Variants in CAMKMT observed in about 807,000 individuals in gnomAD.
CAMKMT encodes calmodulin-lysine N-methyltransferase, also known as CaM KMT.
Under a neutral mutation model 48.0 loss-of-function variants are expected in CAMKMT, and 53 were observed. The ratio of observed to expected loss-of-function variants is 1.10; its 90% CI spans 0.89 to 1.39. The LOEUF is 1.39. CAMKMT is among the 40% of genes most tolerant of loss of function. The pLI is 0.00. For missense variants in CAMKMT, 428 were observed against 402.7 expected (o/e 1.06, Z -0.54); for synonymous variants, 165 against 152.3 (o/e 1.08, Z -0.61).
intron 3 of CAMKMT, among the ~76,000 whole-genome samples, chr2:44,596,175 A>T (rs1032631222): frequency 1.3e-5 from 2 of 152,102 alleles, no homozygotes; most frequent in Admixed American, 1.3e-4. Flanking sequence ...TTGGCTGGAC[A>T]CAGTGGCTCA....
intron 3 of CAMKMT, among the ~76,000 whole-genome samples, chr2:44,520,080 G>A (rs952074169): frequency 5.3e-5 from 8 of 151,100 alleles, no homozygotes; most frequent in Non-Finnish European, 7.4e-5. Context: ...TTAGCCAGGC[G>A]TGGTGGTGGG....
chr2:44,528,385 A>C (rs1486507365), intron 3 of CAMKMT, among the ~76,000 whole-genome samples: 1 of 152,164 alleles, frequency 6.6e-6, no homozygotes, highest in Non-Finnish European at 1.5e-5. Flanking sequence ...TCCATTCCCC[A>C]GTTACCAACA....
At chr2:44,718,507 G>A (rs1019175932) in intron 7 of CAMKMT, among the ~76,000 whole-genome samples, 1 of 152,182 alleles carries the variant, frequency 6.6e-6, no homozygotes, top group African/African-American at 2.4e-5. Flanking sequence ...TTGAACAAAG[G>A]AAACCATGCT....
intron 3 of CAMKMT, among the ~76,000 whole-genome samples, chr2:44,417,454 T>G (rs1683637123): frequency 6.6e-6 from 1 of 152,206 alleles, no homozygotes; most frequent in South Asian, 2.1e-4. Context: ...TGTATTCATC[T>G]ATTGATAGAC....
chr2:44,715,543 C>A (rs1678131597), intron 7 of CAMKMT, among the ~76,000 whole-genome samples, 190 bp downstream of exon 7: 2 of 152,158 alleles, frequency 1.3e-5, no homozygotes, highest in African/African-American at 4.8e-5. Flanking sequence ...CAGACACTCT[C>A]ATTAGCTCCA....
At chr2:44,403,323 A>C (rs1682557973) in intron 3 of CAMKMT, among the ~76,000 whole-genome samples, 1 of 152,070 alleles carries the variant, frequency 6.6e-6, no homozygotes, top group Non-Finnish European at 1.5e-5. Context: ...TACCTTCCTT[A>C]CCACCACCCT....
intron 3 of CAMKMT, among the ~76,000 whole-genome samples, chr2:44,615,396 G>A (rs772747198): frequency 2.0e-5 from 3 of 152,154 alleles, no homozygotes; most frequent in South Asian, 2.1e-4. Flanking sequence ...ACTGAATTAC[G>A]GCTATGGCCA....
chr2:44,591,938 T>A (rs2103820357), intron 3 of CAMKMT, among the ~76,000 whole-genome samples: 1 of 152,132 alleles, frequency 6.6e-6, no homozygotes, highest in East Asian at 1.9e-4. Flanking sequence ...TTGGAAATCA[T>A]CATTCTCAGT....
chr2:44,431,851 T>A (rs1160812350), intron 3 of CAMKMT, among the ~76,000 whole-genome samples: 2 of 152,180 alleles, frequency 1.3e-5, no homozygotes, highest in African/African-American at 2.4e-5. Flanking sequence ...GGAACTAGTC[T>A]AAGATGTTAG....
At chr2:44,546,780 T>C (rs1488060400) in intron 3 of CAMKMT, among the ~76,000 whole-genome samples, 1 of 152,196 alleles carries the variant, frequency 6.6e-6, no homozygotes, top group Non-Finnish European at 1.5e-5. Flanking sequence ...ACTTAAAATG[T>C]AATCACAAAA....
intron 3 of CAMKMT, among the ~76,000 whole-genome samples, chr2:44,446,621 C>T (rs1667015082): frequency 6.6e-6 from 1 of 152,198 alleles, no homozygotes; most frequent in Non-Finnish European, 1.5e-5. Flanking sequence ...GCTGGGATTA[C>T]AGGCCGCGCC....
At chr2:44,629,380 T>C (rs1367768242) in intron 3 of CAMKMT, among the ~76,000 whole-genome samples, 1 of 152,022 alleles carries the variant, frequency 6.6e-6, no homozygotes, top group East Asian at 1.9e-4. Context: ...CTCTTACTGT[T>C]CATTTATGTT....
intron 3 of CAMKMT, among the ~76,000 whole-genome samples, chr2:44,455,917 G>C (rs1268137339): frequency 1.3e-5 from 2 of 152,224 alleles, no homozygotes; most frequent in East Asian, 3.9e-4. Flanking sequence ...TTTGAAAAAG[G>C]AAAGTCTAAA....
intron 2 of CAMKMT, among the ~76,000 whole-genome samples, chr2:44,386,604 TTAGA>T (rs1314650622): frequency 6.6e-6 from 1 of 152,128 alleles, no homozygotes; most frequent in Non-Finnish European, 1.5e-5. Flanking sequence ...AGGTGTGACC[TTAGA>T]CTGTCAGTTT....
intron 9 of CAMKMT, among the ~76,000 whole-genome samples, chr2:44,760,419 G>T (rs1414095827): frequency 1.3e-5 from 2 of 151,884 alleles, no homozygotes; most frequent in Non-Finnish European, 2.9e-5. Flanking sequence ...GACCATCCTG[G>T]CTAACACAGT....
chr2:44,539,285 A>C (rs1246905809), intron 3 of CAMKMT, among the ~76,000 whole-genome samples: 1 of 44,174 alleles, frequency 2.3e-5, no homozygotes, highest in Non-Finnish European at 7.4e-5. Context: ...AGAAGTCTCA[A>C]AAAAAAAAAA....
At chr2:44,438,158 A>T (rs1371895950) in intron 3 of CAMKMT, among the ~76,000 whole-genome samples, 1 of 152,192 alleles carries the variant, frequency 6.6e-6, no homozygotes, top group Non-Finnish European at 1.5e-5. Context: ...TCAGCTAGTA[A>T]AATGGGGAGC....
intron 3 of CAMKMT, among the ~76,000 whole-genome samples, chr2:44,555,883 T>C (rs1160678584): frequency 2.6e-5 from 4 of 152,104 alleles, no homozygotes; most frequent in Admixed American, 2.6e-4. Context: ...CCATTGAATT[T>C]AGCAACAAAG....
intron 3 of CAMKMT, among the ~76,000 whole-genome samples, chr2:44,466,757 C>G (rs1668135204): frequency 6.6e-6 from 1 of 151,868 alleles, no homozygotes; most frequent in East Asian, 1.9e-4. Context: ...AATTGACTAG[C>G]CATTAGCTAG....
Sources: gnomAD v4.1 joint callset for allele counts (sites outside exome capture counted in the v4.1 genomes callset) on GRCh38, gnomAD v4.1.1 for gene constraint, MANE v1.5 for transcripts, NCBI Gene and HGNC (gene_info 2026-07-23, HGNC 2026-07-21) for gene names.